The following SLC10A7 variants were observed in gnomAD, a reference collection of about 807,000 sequenced individuals.
SLC10A7 encodes sodium/bile acid cotransporter 7.
In SLC10A7, 29 loss-of-function variants were observed where a neutral mutation model predicts 43.2. The ratio of observed to expected loss-of-function variants is 0.67; its 90% confidence interval spans 0.50 to 0.92. The LOEUF is 0.92. Ranked by LOEUF, SLC10A7 falls within the 40% of genes least tolerant of loss-of-function variation. SLC10A7 has a pLI of 0.00. For missense variants in SLC10A7, 295 were observed against 403.2 expected (o/e 0.73, Z 2.30); for synonymous variants, 152 against 144.8 (o/e 1.05, Z -0.35).
In SLC10A7 at chr4:146,515,262, C is replaced by A. The variant is rs140126518; in HGVS notation, c.183+1776G>T. The A allele has an allele frequency of 2.7e-3, 1,813 of 672,138 alleles. 9 individuals are homozygous for A. The highest frequency in any genetic ancestry group is 3.6e-3 in the Non-Finnish European group (1,356 of 371,906). The allele number at this position is 672,138 out of a possible 1,614,324, so 41.6% of individuals were successfully genotyped here. A position where few individuals can be genotyped will look rare whatever the true frequency, so the allele number is the denominator to read the frequency against. The stretch of plus-strand genomic sequence containing the variant: ...ATAGAGCAACGCCCCAAGTAAAGGA[C>A]TTGGGTTAGAAAGCAGTTCCATAAA... On this transcript the variant is annotated intron_variant, in intron 2 of 11. Transcript: ENST00000335472.
chr4:146,306,049 C>T (rs1209271616), intron 6 of SLC10A7, 40 bp from the exon 7 acceptor site: 12 of 1,505,778 alleles, frequency 8.0e-6, no homozygotes, highest in Non-Finnish European at 9.9e-6. Flanking sequence ...TACTTCAAAT[C>T]AGTTATCAAG....
chr4:146,485,588 G>A (rs546198376), intron 4 of SLC10A7, among the ~76,000 whole-genome samples: 1 of 152,282 alleles, frequency 6.6e-6, no homozygotes, highest in South Asian at 2.1e-4. Context: ...ATTTATTACT[G>A]CCAGAGCAGA....
intron 4 of SLC10A7, among the ~76,000 whole-genome samples, chr4:146,468,449 T>C (rs1013768927): frequency 6.6e-6 from 1 of 150,416 alleles, no homozygotes. Context: ...ATTTATTTAT[T>C]TATTTATTCT....
intron 10 of SLC10A7, among the ~76,000 whole-genome samples, chr4:146,267,235 T>G (rs1728616140): frequency 6.6e-6 from 1 of 152,178 alleles, no homozygotes; most frequent in Admixed American, 6.5e-5. Flanking sequence ...GCCACCTCCT[T>G]ACAGGGTGGT....
chr4:146,401,770 G>A (rs930360556), intron 5 of SLC10A7, among the ~76,000 whole-genome samples: 5 of 152,080 alleles, frequency 3.3e-5, no homozygotes, highest in Admixed American at 1.3e-4. Context: ...ATATTAAATC[G>A]AGAAGAAATA....
At chr4:146,286,950 G>A (rs1730035533) in intron 9 of SLC10A7, among the ~76,000 whole-genome samples, 1 of 152,176 alleles carries the variant, frequency 6.6e-6, no homozygotes, top group South Asian at 2.1e-4. Context: ...TTGGAGTGGT[G>A]AGAAGGACTG....
intron 6 of SLC10A7, 144 bp downstream of exon 6, chr4:146,325,817 A>G: frequency 1.4e-6 from 1 of 734,636 alleles, no homozygotes; most frequent in Non-Finnish European, 2.3e-6. Flanking sequence ...TCTGAATATT[A>G]TTATGCGGTA....
chr4:146,374,287 C>A (rs1408927368), intron 5 of SLC10A7, among the ~76,000 whole-genome samples: 2 of 152,142 alleles, frequency 1.3e-5, no homozygotes, highest in Non-Finnish European at 2.9e-5. Flanking sequence ...CCCCTCCCAT[C>A]TTATAACATA....
intron 6 of SLC10A7, among the ~76,000 whole-genome samples, chr4:146,310,687 C>T (rs927696064): frequency 2.0e-5 from 3 of 152,030 alleles, no homozygotes; most frequent in Non-Finnish European, 2.9e-5. Flanking sequence ...CTCACAGCAA[C>T]CCCTTGATGT....
intron 6 of SLC10A7, among the ~76,000 whole-genome samples, chr4:146,308,597 G>A (rs1462426860): frequency 2.6e-5 from 4 of 152,228 alleles, no homozygotes; most frequent in Admixed American, 1.3e-4. Context: ...AAAGATCAGT[G>A]TGTTTATGAG....
At chr4:146,337,891 T>C (rs1221091822) in intron 5 of SLC10A7, among the ~76,000 whole-genome samples, 1 of 151,806 alleles carries the variant, frequency 6.6e-6, no homozygotes, top group East Asian at 1.9e-4. Context: ...TAATGTAAAA[T>C]ATATAATATT....
chr4:146,440,256 T>C (rs1250873170), intron 5 of SLC10A7, among the ~76,000 whole-genome samples: 1 of 149,894 alleles, frequency 6.7e-6, no homozygotes, highest in South Asian at 2.1e-4. Flanking sequence ...GAAAGAAGAC[T>C]CAGGTTTTAG....
chr4:146,335,950 T>C (rs1246977254), intron 5 of SLC10A7, among the ~76,000 whole-genome samples: 1 of 152,110 alleles, frequency 6.6e-6, no homozygotes, highest in Non-Finnish European at 1.5e-5. Context: ...TGATTTCACC[T>C]GGAAGCTTGT....
intron 5 of SLC10A7, among the ~76,000 whole-genome samples, chr4:146,433,683 T>C (rs1729967669): frequency 6.6e-6 from 1 of 151,876 alleles, no homozygotes; most frequent in Non-Finnish European, 1.5e-5. Flanking sequence ...CTGGGCAACA[T>C]AGCGAGATCC....
At chr4:146,342,488 T>C (rs1030222967) in intron 5 of SLC10A7, among the ~76,000 whole-genome samples, 2 of 151,792 alleles carry the variant, frequency 1.3e-5, no homozygotes, top group Non-Finnish European at 3.0e-5. Flanking sequence ...CCAATAGTTC[T>C]ATTAGATCAC....
intron 10 of SLC10A7, among the ~76,000 whole-genome samples, chr4:146,272,310 T>A (rs1417780886): frequency 2.6e-5 from 4 of 152,178 alleles, no homozygotes; most frequent in African/African-American, 9.7e-5. Context: ...GCTGGCTTCC[T>A]GGGGCCCAGG....
intron 5 of SLC10A7, among the ~76,000 whole-genome samples, chr4:146,383,224 G>A (rs1737756753): frequency 6.6e-6 from 1 of 152,096 alleles, no homozygotes; most frequent in Admixed American, 6.6e-5. Flanking sequence ...GATTCAAGTA[G>A]TACTCTGTAT....
intron 5 of SLC10A7, among the ~76,000 whole-genome samples, chr4:146,330,911 T>C (rs1377423886): frequency 1.3e-5 from 2 of 152,122 alleles, no homozygotes; most frequent in East Asian, 3.9e-4. Flanking sequence ...CTATCACTGC[T>C]GCTCTGTCTT....
intron 1 of SLC10A7, 148 bp from the exon 2 acceptor site, chr4:146,517,268 G>A: frequency 2.0e-6 from 1 of 508,762 alleles, no homozygotes. Context: ...TTCAAGACCA[G>A]CCTGACCAAC....
Sources: allele counts gnomAD v4.1 joint callset (sites outside exome capture counted in the v4.1 genomes callset), GRCh38; gene constraint gnomAD v4.1.1; transcripts MANE v1.5; gene names NCBI Gene and HGNC (gene_info 2026-07-23, HGNC 2026-07-21).